The following LPAR1 variants were observed in gnomAD, a reference collection of about 807,000 sequenced individuals.
The protein encoded by LPAR1 is lysophosphatidic acid receptor 1.
Under a neutral mutation model 23.8 loss-of-function variants are expected in LPAR1, and 5 were observed. That is an observed-to-expected ratio of 0.21 (90% CI 0.11 to 0.44). LPAR1 has a LOEUF of 0.44. Among genes scored for constraint, LPAR1 ranks in the 20% least tolerant of loss-of-function variants. LPAR1 has a pLI of 0.99. For synonymous variants in LPAR1, 160 were observed against 164.7 expected (o/e 0.97, Z 0.22); for missense variants, 311 against 482.8 (o/e 0.64, Z 3.33).
At chr9:110,969,725 A>G (rs889502047) in intron 4 of LPAR1, among the ~76,000 whole-genome samples, 2 of 151,988 alleles carry the variant, frequency 1.3e-5, no homozygotes, top group Non-Finnish European at 1.5e-5. Flanking sequence ...AAAAAAAAAA[A>G]GAAATAAATA....
rs568740090 is a variant in LPAR1 at position 110,883,325 on chromosome 9, C to T, written c.794-7603G>A. Reference sequence around the variant, plus strand: ...TGCTAAGAATATAGCCATGAGCCACCGTGCCCGGCCTATATCTTGAATTTT... The same window carrying T: ...TGCTAAGAATATAGCCATGAGCCACTGTGCCCGGCCTATATCTTGAATTTT... On this transcript the variant is annotated intron_variant, in intron 5 of 5. Transcript: ENST00000683809. Among the ~76,000 whole-genome samples, 12 of 152,244 alleles carry T rather than the reference C, an allele frequency of 7.9e-5. 1 individual carries two copies. In the South Asian group the frequency reaches 1.0e-3, roughly 13 times the overall value.
At chr9:111,038,724 G>A, upstream of LPAR1, 1 of 448,104 alleles carries the variant, frequency 2.2e-6, no homozygotes, top group Non-Finnish European at 4.5e-6. This position sits in a 1 kb window ranked among gnomAD's most constrained non-coding sequence, Gnocchi z 4.4. Context: ...GCCCACGGTG[G>A]TGGCAGGGCC....
intron 2 of LPAR1, among the ~76,000 whole-genome samples, chr9:110,983,612 T>C (rs1001766340): frequency 1.3e-5 from 2 of 152,066 alleles, no homozygotes; most frequent in Admixed American, 6.6e-5. Context: ...TACTGAACTG[T>C]ACATTTAAAT....
At chr9:110,958,093 G>A (rs2095822699) in intron 4 of LPAR1, among the ~76,000 whole-genome samples, 2 of 152,066 alleles carry the variant, frequency 1.3e-5, no homozygotes, top group African/African-American at 4.8e-5. Context: ...GGACACAAAT[G>A]GAAAGACATC....
At chr9:110,924,134 T>C (rs1021569572) in intron 5 of LPAR1, among the ~76,000 whole-genome samples, 3 of 151,904 alleles carry the variant, frequency 2.0e-5, no homozygotes, top group Non-Finnish European at 4.4e-5. Context: ...TTGTGATAAA[T>C]TGGCACAAGC....
In LPAR1 at chr9:110,950,912, C is replaced by T. The variant is rs574420732; in HGVS notation, c.46-8744G>A. Among the ~76,000 whole-genome samples the T allele has an allele frequency of 2.8e-4, 43 of 152,172 alleles. No homozygotes were observed. The South Asian group carries it at 8.5e-3, about 30-fold the overall frequency. ...ACATTGATATGAAAGCACAAAAGAA[C>T]AACAATACCCAAGACAACTAGAAAA... On this transcript the variant is annotated intron_variant, in intron 4 of 5. Coordinates refer to ENST00000683809, the MANE Select transcript of LPAR1 (RefSeq NM_001351411.2).
At chr9:110,979,473 G>A (rs1277339009) in intron 2 of LPAR1, among the ~76,000 whole-genome samples, 2 of 152,066 alleles carry the variant, frequency 1.3e-5, no homozygotes, top group Non-Finnish European at 2.9e-5. Context: ...TCATAACTGT[G>A]TAGACTGTAA....
intron 2 of LPAR1, among the ~76,000 whole-genome samples, chr9:110,997,993 T>G (rs2140032915): frequency 6.6e-6 from 1 of 152,342 alleles, no homozygotes; most frequent in South Asian, 2.1e-4. Flanking sequence ...GCACACAGAA[T>G]TCACTGGAGG....
At chr9:110,999,268 T>A in intron 2 of LPAR1, 1 of 257,616 alleles carries the variant, frequency 3.9e-6, no homozygotes. Context: ...AACCTGGGAG[T>A]AATATCTATT....
At chr9:111,006,632 A>G (rs1311830516) in intron 2 of LPAR1, among the ~76,000 whole-genome samples, 2 of 152,202 alleles carry the variant, frequency 1.3e-5, no homozygotes, top group Non-Finnish European at 2.9e-5. Context: ...GTACACAGGC[A>G]AGCCAACTCA....
At chr9:111,012,668 CAG>C (rs2097356336) in intron 2 of LPAR1, among the ~76,000 whole-genome samples, 2 of 152,010 alleles carry the variant, frequency 1.3e-5, no homozygotes, top group Admixed American at 6.6e-5. Flanking sequence ...GAGGATGAGA[CAG>C]AGTTTTAAAT....
chr9:110,886,240 T>G (rs1485458850), intron 5 of LPAR1, among the ~76,000 whole-genome samples: 1 of 149,590 alleles, frequency 6.7e-6, no homozygotes, highest in South Asian at 2.1e-4. Flanking sequence ...GACACATGCC[T>G]GTAATCCCAG....
rs1443990893 is a variant in LPAR1 at position 110,959,141 on chromosome 9, TA to T, written c.45+12931del. Among the ~76,000 whole-genome samples, 8 of 18,474 alleles carry T rather than the reference TA, an allele frequency of 4.3e-4. No homozygotes were observed. The East Asian group carries it at 0.018, about 41-fold the overall frequency. 12.1% of individuals were successfully genotyped at this position (18,474 alleles called of 152,430 possible). ...GAATGTAAATTAGTACAGTGACTAT[TA>T]AAAAAAAACAGTATGAAGATGTCTC... On this transcript the variant is annotated intron_variant, in intron 4 of 5. Transcript: ENST00000683809.
At chr9:110,932,151 C>T (rs1462796695) in intron 5 of LPAR1, among the ~76,000 whole-genome samples, 1 of 152,102 alleles carries the variant, frequency 6.6e-6, no homozygotes, top group Non-Finnish European at 1.5e-5. Flanking sequence ...GGGTATATTA[C>T]TATTGTAACT....
At chr9:110,961,212 A>AG (rs1390824611) in intron 4 of LPAR1, among the ~76,000 whole-genome samples, 1 of 51,064 alleles carries the variant, frequency 2.0e-5, no homozygotes, top group African/African-American at 6.6e-5. Flanking sequence ...AACCATTTTA[A>AG]GGGGAAAAAA....
rs374449794 is a variant in LPAR1, at chr9:110,918,984, C to T, written c.793+22437G>A. 4.6e-5 allele frequency among the ~76,000 whole-genome samples: 7 copies of T among 152,206 alleles called. No homozygotes were observed. The East Asian group carries it at 1.4e-3, about 29-fold the overall frequency. ...CACACTCTTGTGTAGTCCCCCTTCC[C>T]CTGGTGTGTGAGCAGAACCTGTAAC... On this transcript the variant is annotated intron_variant, in intron 5 of 5. Coordinates refer to ENST00000683809, the MANE Select transcript of LPAR1 (RefSeq NM_001351411.2).
At chr9:110,988,726 G>T (rs1440862595) in intron 2 of LPAR1, among the ~76,000 whole-genome samples, 1 of 152,032 alleles carries the variant, frequency 6.6e-6, no homozygotes, top group Non-Finnish European at 1.5e-5. Flanking sequence ...TGAAAATCTG[G>T]TAGTTCCTCA....
At chr9:110,900,468 T>G (rs551282659) in intron 5 of LPAR1, among the ~76,000 whole-genome samples, 3 of 152,198 alleles carry the variant, frequency 2.0e-5, no homozygotes, top group Non-Finnish European at 4.4e-5. Context: ...CCTAGAATAA[T>G]TTAAGATAAA....
chr9:110,975,726 C>G (rs1210261974), intron 2 of LPAR1, among the ~76,000 whole-genome samples: 2 of 152,140 alleles, frequency 1.3e-5, no homozygotes, highest in African/African-American at 4.8e-5. Flanking sequence ...AAATTTTAAC[C>G]ATTTAACCCT....
Sources: gnomAD v4.1 joint callset for allele counts (sites outside exome capture counted in the v4.1 genomes callset) on GRCh38, gnomAD v4.1.1 for gene constraint, Gnocchi (gnomAD v3.1) non-coding constraint, MANE v1.5 for transcripts, NCBI Gene and HGNC (gene_info 2026-07-23, HGNC 2026-07-21) for gene names.